Variants in STXBP5L observed in about 807,000 individuals in gnomAD.
The protein encoded by STXBP5L is syntaxin binding protein 5L, also known as syntaxin-binding protein 5-like.
A neutral mutation model predicts 144.5 loss-of-function variants in STXBP5L; 65 were observed. The ratio of observed to expected loss-of-function variants is 0.45; its 90% CI spans 0.37 to 0.55. The LOEUF (loss-of-function observed/expected upper bound fraction) is 0.55, where lower values mean the gene tolerates loss of function less well. Ranked by LOEUF, STXBP5L falls within the 20% of genes least tolerant of loss-of-function variation. The probability of loss-of-function intolerance (pLI) is 0.00; values close to 1 mark genes in which losing one functional copy is unlikely to be tolerated. For missense variants in STXBP5L, 1,298 were observed against 1,405.5 expected (o/e 0.92, Z 1.22); for synonymous variants, 505 against 469.6 (o/e 1.08, Z -0.97).
At chr3:121,075,570 A>G (rs559861460) in intron 5 of STXBP5L, among the ~76,000 whole-genome samples, 33 of 152,298 alleles carry the variant, frequency 2.2e-4, no homozygotes, top group African/African-American at 7.9e-4. Context: ...TGGCTTACAA[A>G]TGCCGCATTA....
At chr3:121,391,638 G>A (rs1057171929) in intron 22 of STXBP5L, among the ~76,000 whole-genome samples, 1 of 152,148 alleles carries the variant, frequency 6.6e-6, no homozygotes, top group Non-Finnish European at 1.5e-5. Flanking sequence ...TAACAATCAG[G>A]TCCCTCAGCT....
chr3:121,057,244 A>T lies in STXBP5L; in HGVS notation c.470+11709A>T, dbSNP rs545376921. ...TCAAAAAACAGGCAAAATTAATGCT[A>T]CATGTTAATGTAGCATGTTATACAG... On this transcript the variant is annotated intron_variant, in intron 5 of 26. Transcript: ENST00000471454. Among the ~76,000 whole-genome samples, 3 of 152,090 alleles carry T rather than the reference A, an allele frequency of 2.0e-5. No homozygotes were observed. The East Asian group carries it at 5.8e-4, about 29-fold the overall frequency.
intron 2 of STXBP5L, among the ~76,000 whole-genome samples, chr3:120,949,178 A>G (rs897138264): frequency 5.9e-5 from 9 of 151,676 alleles, no homozygotes; most frequent in African/African-American, 2.2e-4. Flanking sequence ...AGCATTTTTC[A>G]TGTTTGTTGA....
chr3:121,247,990 T>C (rs1425516842), intron 14 of STXBP5L, among the ~76,000 whole-genome samples: 2 of 152,252 alleles, frequency 1.3e-5, no homozygotes, highest in Non-Finnish European at 2.9e-5. Context: ...CTGTTACTAT[T>C]TGACTTTTTA....
intron 22 of STXBP5L, among the ~76,000 whole-genome samples, chr3:121,384,248 G>A (rs947754936): frequency 3.3e-5 from 5 of 152,116 alleles, no homozygotes; most frequent in Admixed American, 6.6e-5. Flanking sequence ...ATTACACTAA[G>A]AGAAATAAAG....
chr3:121,027,098 T>C (rs1401206101), intron 3 of STXBP5L, among the ~76,000 whole-genome samples: 1 of 151,928 alleles, frequency 6.6e-6, no homozygotes, highest in African/African-American at 2.4e-5. Flanking sequence ...TGTGTATATA[T>C]GTATATATAT....
intron 3 of STXBP5L, among the ~76,000 whole-genome samples, chr3:120,965,378 T>A (rs1939438486): frequency 6.6e-6 from 1 of 152,314 alleles, no homozygotes; most frequent in African/African-American, 2.4e-5. Context: ...GCATCGATGG[T>A]CTTTATAATT....
chr3:121,127,462 A>T (rs2044761990), intron 7 of STXBP5L, among the ~76,000 whole-genome samples: 1 of 151,962 alleles, frequency 6.6e-6, no homozygotes, highest in Non-Finnish European at 1.5e-5. Flanking sequence ...TTTCCAGCTT[A>T]GGTGGCTCCT....
At chr3:121,400,713 C>G (rs1425846709) in intron 22 of STXBP5L, among the ~76,000 whole-genome samples, 1 of 152,190 alleles carries the variant, frequency 6.6e-6, no homozygotes, top group Admixed American at 6.5e-5. Flanking sequence ...TGTGCTCCCT[C>G]AGGTCTGGTC....
chr3:121,247,004 A>G (rs2049874936), intron 14 of STXBP5L, among the ~76,000 whole-genome samples: 2 of 152,188 alleles, frequency 1.3e-5, no homozygotes, highest in African/African-American at 4.8e-5. Context: ...TGATGGTGTC[A>G]ATGTGACAAC....
At chr3:121,328,514 C>T (rs191213051) in intron 20 of STXBP5L, among the ~76,000 whole-genome samples, 26 of 152,130 alleles carry the variant, frequency 1.7e-4, no homozygotes, top group Admixed American at 2.6e-4. Flanking sequence ...TTTGGGAGGC[C>T]GAGGCAGGTA....
At chr3:121,417,657 G>C (rs1029627978) in intron 25 of STXBP5L, among the ~76,000 whole-genome samples, 1 of 152,046 alleles carries the variant, frequency 6.6e-6, no homozygotes, top group Non-Finnish European at 1.5e-5. Flanking sequence ...TAGAGACAGG[G>C]TTTCACCATG....
At chr3:121,190,117 G>C (rs1252445723) in intron 9 of STXBP5L, among the ~76,000 whole-genome samples, 1 of 151,856 alleles carries the variant, frequency 6.6e-6, no homozygotes, top group Non-Finnish European at 1.5e-5. Context: ...GGGGGATTTG[G>C]TAGGTTCATA....
intron 18 of STXBP5L, among the ~76,000 whole-genome samples, chr3:121,275,346 A>G (rs73191462): frequency 0.035 from 5,403 of 152,282 alleles, 146 homozygotes; most frequent in Middle Eastern, 0.082. Flanking sequence ...GGGAAAAGTA[A>G]CAATATTGAA....
At chr3:121,087,080 G>A (rs1307002715) in intron 5 of STXBP5L, among the ~76,000 whole-genome samples, 1 of 151,932 alleles carries the variant, frequency 6.6e-6, no homozygotes, top group Non-Finnish European at 1.5e-5. Context: ...TAAAATTGTT[G>A]AGGTTTGTTT....
intron 20 of STXBP5L, among the ~76,000 whole-genome samples, chr3:121,337,667 CA>C (rs1371301128): frequency 1.3e-5 from 2 of 152,040 alleles, no homozygotes; most frequent in Non-Finnish European, 2.9e-5. Context: ...AGAAAGTGAG[CA>C]AGAAAATGTT....
At chr3:121,093,263 G>A (rs1014748186) in intron 5 of STXBP5L, among the ~76,000 whole-genome samples, 2 of 152,150 alleles carry the variant, frequency 1.3e-5, no homozygotes, top group African/African-American at 4.8e-5. Flanking sequence ...CCCGGCTTTG[G>A]TATCAGGATG....
chr3:121,350,345 C>T (rs984594971), intron 20 of STXBP5L, among the ~76,000 whole-genome samples: 3 of 152,154 alleles, frequency 2.0e-5, no homozygotes, highest in South Asian at 4.1e-4. Context: ...GTATGATGGG[C>T]TTCCCTTTGT....
intron 20 of STXBP5L, among the ~76,000 whole-genome samples, chr3:121,352,850 C>T (rs568224691): frequency 9.9e-5 from 15 of 152,094 alleles, no homozygotes; most frequent in South Asian, 4.2e-4. Context: ...TTTTGAGATG[C>T]GTTCCATCAA....
Sources: allele counts gnomAD v4.1 joint callset (sites outside exome capture counted in the v4.1 genomes callset), GRCh38; gene constraint gnomAD v4.1.1; transcripts MANE v1.5; gene names NCBI Gene and HGNC (gene_info 2026-07-23, HGNC 2026-07-21).